SPATA13: variants seen among roughly 807,000 people sequenced by gnomAD.
The protein encoded by SPATA13 is spermatogenesis-associated protein 13.
A neutral mutation model predicts 104.0 loss-of-function variants in SPATA13; 50 were observed. The observed-to-expected ratio is 0.48, with a 90% CI of 0.38 to 0.61. The LOEUF is 0.61. Ranked by LOEUF, SPATA13 falls within the 20% of genes least tolerant of loss-of-function variation. The pLI is 0.00. For synonymous variants in SPATA13, 606 were observed against 667.5 expected (o/e 0.91, Z 1.42); for missense variants, 1,524 against 1,690.6 (o/e 0.90, Z 1.73).
intron 2 of SPATA13, among the ~76,000 whole-genome samples, chr13:24,000,980 T>A (rs774506383): frequency 5.3e-5 from 8 of 152,170 alleles, no homozygotes; most frequent in Non-Finnish European, 1.2e-4. Context: ...ATAGCACCAC[T>A]GTTTTTCAGC....
chr13:24,255,079 G>T (rs924651719), intron 4 of SPATA13, among the ~76,000 whole-genome samples: 8 of 152,094 alleles, frequency 5.3e-5, no homozygotes, highest in Non-Finnish European at 1.2e-4. Context: ...CAGGCCATTA[G>T]CTCCTAACCA....
At chr13:24,090,868 T>C (rs544715001) in intron 3 of SPATA13, among the ~76,000 whole-genome samples, 2 of 152,374 alleles carry the variant, frequency 1.3e-5, no homozygotes, top group East Asian at 3.9e-4. Flanking sequence ...TCACATCTTC[T>C]GTTGAAAACT....
intron 1 of SPATA13, among the ~76,000 whole-genome samples, chr13:24,173,223 A>G (rs936575467): frequency 2.0e-5 from 3 of 152,090 alleles, no homozygotes; most frequent in Non-Finnish European, 4.4e-5. Context: ...GACTATAGGC[A>G]TGTGTCACCA....
intron 1 of SPATA13, among the ~76,000 whole-genome samples, chr13:24,172,181 T>A (rs1381117784): frequency 6.6e-6 from 1 of 152,234 alleles, no homozygotes; most frequent in African/African-American, 2.4e-5. Context: ...TATATAATTT[T>A]ATCCTTTCAA....
chr13:24,142,238 A>T (rs1038442760), intron 3 of SPATA13, among the ~76,000 whole-genome samples: 1 of 151,722 alleles, frequency 6.6e-6, no homozygotes, highest in Non-Finnish European at 1.5e-5. Flanking sequence ...TAAAACCAGG[A>T]TATTAACATG....
At chr13:24,110,019 T>C (rs1366845593) in intron 3 of SPATA13, among the ~76,000 whole-genome samples, 1 of 147,414 alleles carries the variant, frequency 6.8e-6, no homozygotes, top group African/African-American at 2.5e-5. Flanking sequence ...TCTCGGATGC[T>C]CTTATGCTTT....
intron 2 of SPATA13, among the ~76,000 whole-genome samples, chr13:24,230,677 G>A (rs1872211648): frequency 6.6e-6 from 1 of 152,174 alleles, no homozygotes; most frequent in African/African-American, 2.4e-5. Context: ...ACTTAACATG[G>A]GGCTTTGTAT....
At chr13:24,029,883 A>G (rs1338647053) in intron 3 of SPATA13, among the ~76,000 whole-genome samples, 2 of 152,010 alleles carry the variant, frequency 1.3e-5, no homozygotes, top group Non-Finnish European at 2.9e-5. Context: ...GTATTTGGTT[A>G]TCTCTTCCTA....
At chr13:24,141,116 AC>A (rs1179695039) in intron 3 of SPATA13, among the ~76,000 whole-genome samples, 24 of 151,880 alleles carry the variant, frequency 1.6e-4, no homozygotes, top group African/African-American at 5.8e-4. Context: ...CAGAAGTTGC[AC>A]TGAGCAAGAT....
At chr13:24,131,732 AG>A (rs1239063803) in intron 3 of SPATA13, among the ~76,000 whole-genome samples, 3 of 152,208 alleles carry the variant, frequency 2.0e-5, no homozygotes, top group African/African-American at 7.2e-5. Flanking sequence ...GCTGAAGGAT[AG>A]GGACAACCAA....
intron 3 of SPATA13, among the ~76,000 whole-genome samples, chr13:24,125,513 C>T (rs542666496): frequency 6.6e-6 from 1 of 152,210 alleles, no homozygotes; most frequent in South Asian, 2.1e-4. Context: ...GTCGTATGGA[C>T]CAACCTAAAC....
intron 4 of SPATA13, among the ~76,000 whole-genome samples, chr13:24,283,740 G>A (rs990056660): frequency 1.3e-5 from 2 of 152,222 alleles, no homozygotes; most frequent in South Asian, 2.1e-4. Context: ...GATAAAGGAT[G>A]GAAGCAGAAT....
At chr13:24,230,624 A>T (rs1479599342) in intron 2 of SPATA13, among the ~76,000 whole-genome samples, 2 of 152,186 alleles carry the variant, frequency 1.3e-5, no homozygotes, top group African/African-American at 4.8e-5. Flanking sequence ...AAGTGTCCCG[A>T]CCACATAGGA....
At chr13:24,132,723 C>T (rs1330642039) in intron 3 of SPATA13, among the ~76,000 whole-genome samples, 4 of 152,142 alleles carry the variant, frequency 2.6e-5, no homozygotes, top group Non-Finnish European at 5.9e-5. Flanking sequence ...TCTGTAATTG[C>T]AGCACTTTGG....
chr13:24,015,588 T>C (rs1399924438), intron 2 of SPATA13, among the ~76,000 whole-genome samples: 2 of 152,222 alleles, frequency 1.3e-5, no homozygotes, highest in Admixed American at 6.5e-5. Flanking sequence ...CTGGCCCCTC[T>C]GCTTCACTCT....
intron 3 of SPATA13, among the ~76,000 whole-genome samples, chr13:24,124,945 G>A (rs1881161012): frequency 6.6e-6 from 1 of 152,178 alleles, no homozygotes; most frequent in Non-Finnish European, 1.5e-5. Flanking sequence ...TTCAGGTCAA[G>A]GATCAAGTGC....
intron 3 of SPATA13, among the ~76,000 whole-genome samples, chr13:24,108,767 C>A (rs975676667): frequency 4.6e-5 from 7 of 152,104 alleles, no homozygotes; most frequent in African/African-American, 1.7e-4. Context: ...CCCGAGCCCA[C>A]AGTTCCTTGG....
At chr13:24,265,350 G>A (rs1411135227) in intron 4 of SPATA13, among the ~76,000 whole-genome samples, 1 of 152,214 alleles carries the variant, frequency 6.6e-6, no homozygotes, top group Non-Finnish European at 1.5e-5. Flanking sequence ...CTGGAAAGTA[G>A]CATCACTGTG....
intron 11 of SPATA13, among the ~76,000 whole-genome samples, chr13:24,299,776 C>G (rs779649716): frequency 2.0e-5 from 3 of 152,210 alleles, no homozygotes; most frequent in Non-Finnish European, 4.4e-5. Flanking sequence ...CAGCTCTGTC[C>G]TTCCTTCTCC....
Sources: gnomAD v4.1 joint callset for allele counts (sites outside exome capture counted in the v4.1 genomes callset) on GRCh38, gnomAD v4.1.1 for gene constraint, MANE v1.5 for transcripts, NCBI Gene and HGNC (gene_info 2026-07-23, HGNC 2026-07-21) for gene names.